The following REV3L variants were observed in gnomAD, a reference collection of about 807,000 sequenced individuals.
REV3L encodes DNA polymerase zeta catalytic subunit.
Under a neutral mutation model 299.4 loss-of-function variants are expected in REV3L, and 69 were observed. That is an observed-to-expected ratio of 0.23 (90% confidence interval 0.19 to 0.28). The LOEUF (loss-of-function observed/expected upper bound fraction) is 0.28, where lower values mean the gene tolerates loss of function less well. Ranked by LOEUF, REV3L falls within the 10% of genes least tolerant of loss-of-function variation. The pLI is 1.00. For missense variants in REV3L, 3,128 were observed against 3,693.8 expected (o/e 0.85, Z 3.97); for synonymous variants, 1,238 against 1,271.4 (o/e 0.97, Z 0.56).
chr6:111,309,811 T>C, intron 30 of REV3L, 42 bp downstream of exon 30: 1 of 1,575,498 alleles, frequency 6.3e-7, no homozygotes, highest in Non-Finnish European at 8.6e-7. Context: ...TGGAGTGAAA[T>C]CTCTCCATAG....
chr6:111,322,287 C>A (rs1400949282), intron 26 of REV3L, among the ~76,000 whole-genome samples: 4 of 152,154 alleles, frequency 2.6e-5, no homozygotes, highest in Non-Finnish European at 5.9e-5. Flanking sequence ...AAACTAGACT[C>A]CTGTGTACAC....
intron 2 of REV3L, among the ~76,000 whole-genome samples, 197 bp downstream of exon 2, chr6:111,416,086 G>A (rs1234711598): frequency 6.6e-6 from 1 of 152,060 alleles, no homozygotes; most frequent in Non-Finnish European, 1.5e-5. Context: ...AAATGGGAAA[G>A]GAAACAACAA....
intron 21 of REV3L, among the ~76,000 whole-genome samples, chr6:111,342,566 G>A (rs574261689): frequency 2.6e-4 from 40 of 152,092 alleles, no homozygotes; most frequent in Middle Eastern, 3.4e-3. Context: ...TACTCGGGAG[G>A]CTGAGGCAGG....
Position 111,422,675 on chromosome 6 carries a change from TATAC to T in REV3L, c.140-6207_140-6204del, listed in dbSNP as rs1562288103. 4.0e-3 allele frequency among the ~76,000 whole-genome samples: 152 copies of T among 37,612 alleles called. 24 individuals carry two copies. The highest frequency in any genetic ancestry group is 9.9e-3 in the Non-Finnish European group (116 of 11,728). 24.7% of individuals were successfully genotyped at this position (37,612 alleles called of 152,430 possible). ...ATATATATATATACATATATATATATATACGTATATATATATATATATATATTTC... is the reference window on the plus strand; with the variant it reads ...ATATATATATATACATATATATATATGTATATATATATATATATATATTTC... On this transcript the variant is annotated intron_variant, in intron 1 of 31. Coordinates refer to ENST00000368802, the MANE Select transcript of REV3L (RefSeq NM_001372078.1).
intron 29 of REV3L, chr6:111,310,628 G>C (rs1772870687): frequency 6.4e-6 from 1 of 156,216 alleles, no homozygotes; most frequent in African/African-American, 2.4e-5. Context: ...CTGGGCGACA[G>C]AGTGAGACCC....
intron 1 of REV3L, among the ~76,000 whole-genome samples, chr6:111,433,344 G>C (rs77793885): frequency 6.6e-6 from 1 of 151,562 alleles, no homozygotes; most frequent in South Asian, 2.1e-4. Context: ...AATAAAACCA[G>C]AAACAAAAGA....
chr6:111,317,886 TTCATCCATGGTGTCAGAA>T (rs1220942111), intron 26 of REV3L, among the ~76,000 whole-genome samples: 8 of 152,202 alleles, frequency 5.3e-5, no homozygotes, highest in Non-Finnish European at 7.3e-5. Flanking sequence ...TATTTTGAGA[TTCATCCATGGTGTCAGAA>T]TAACAGCAAC....
intron 1 of REV3L, among the ~76,000 whole-genome samples, chr6:111,441,570 T>C (rs1393091348): frequency 6.6e-6 from 1 of 152,192 alleles, no homozygotes; most frequent in African/African-American, 2.4e-5. Context: ...TTCTTGTATA[T>C]TGTCTACATT....
At chr6:111,313,999 A>G (rs1773256932) in intron 27 of REV3L, among the ~76,000 whole-genome samples, 11 of 152,216 alleles carry the variant, frequency 7.2e-5, no homozygotes. Context: ...GTGCTCTCAC[A>G]GTGTTTAAGC....
At chr6:111,435,100 G>A (rs986601131) in intron 1 of REV3L, among the ~76,000 whole-genome samples, 21 of 152,176 alleles carry the variant, frequency 1.4e-4, no homozygotes, top group African/African-American at 5.1e-4. Context: ...AGCTACTGGG[G>A]AGGCTGAAAG....
chr6:111,463,503 C>G (rs915071730), intron 1 of REV3L, among the ~76,000 whole-genome samples: 10 of 152,160 alleles, frequency 6.6e-5, no homozygotes, highest in African/African-American at 2.4e-4. Flanking sequence ...TGGTGCACTA[C>G]TGATTGTAAG....
intron 21 of REV3L, among the ~76,000 whole-genome samples, chr6:111,339,986 C>T (rs745755555): frequency 6.6e-6 from 1 of 152,092 alleles, no homozygotes; most frequent in African/African-American, 2.4e-5. Flanking sequence ...GGAAGGGAAA[C>T]ATACTTATAA....
At chr6:111,464,729 T>C (rs914317702) in intron 1 of REV3L, among the ~76,000 whole-genome samples, 3 of 152,164 alleles carry the variant, frequency 2.0e-5, no homozygotes, top group African/African-American at 4.8e-5. Flanking sequence ...GGGCCGGGCA[T>C]GGTTGCTCAC....
chr6:111,480,179 T>C (rs1173705469), intron 1 of REV3L, among the ~76,000 whole-genome samples: 2 of 152,232 alleles, frequency 1.3e-5, no homozygotes, highest in Non-Finnish European at 2.9e-5. Context: ...CCTCCCAAAG[T>C]AATTCTTATA....
chr6:111,337,755 T>C (rs1324927346), intron 21 of REV3L, among the ~76,000 whole-genome samples: 1 of 152,198 alleles, frequency 6.6e-6, no homozygotes, highest in Non-Finnish European at 1.5e-5. Flanking sequence ...ATCATTAATG[T>C]AACCCCTCAA....
chr6:111,325,368 C>T (rs1484291550), intron 25 of REV3L, among the ~76,000 whole-genome samples: 1 of 152,178 alleles, frequency 6.6e-6, no homozygotes, highest in Non-Finnish European at 1.5e-5. Context: ...GAGACATTAA[C>T]CTCCACTATT....
intron 1 of REV3L, among the ~76,000 whole-genome samples, chr6:111,461,172 A>G (rs1208052109): frequency 1.3e-5 from 2 of 152,146 alleles, no homozygotes; most frequent in East Asian, 3.8e-4. Context: ...CTGTTATCAT[A>G]GGAGATGGCA....
chr6:111,397,489 A>G (rs558386362), intron 4 of REV3L, among the ~76,000 whole-genome samples: 12 of 152,174 alleles, frequency 7.9e-5, no homozygotes, highest in East Asian at 3.9e-4. Context: ...TATGATTTCA[A>G]TTTTCTAAAA....
rs753723553 is a variant in REV3L at position 111,372,939 on chromosome 6, C to G, written c.5416G>C (p.Glu1806Gln). The G allele has an allele frequency of 2.3e-5, 37 of 1,613,944 alleles. No homozygotes were observed. The highest frequency in any genetic ancestry group is 1.7e-4 in the Admixed American group (10 of 59,996). Residue 1806 changes from glutamate to glutamine, a missense_variant, in exon 13 of 32, where the codon GAA becomes CAA. Glu to Gln is a conservative substitution (Grantham distance 29). Around this residue, in one of 9 missense-constraint regions of REV3L, gnomAD observed 2,409 missense variants for 2,611.8 expected, o/e 0.92. Transcript: ENST00000368802. ...SDWIQGHTRK[E>Q]MGQSLDSANT... is the part of the protein sequence containing the mutation. ...GCTGAGTCAAGAGACTGTCCCATTTCTTTTCTGGTGTGACCTTGAATCCAG... is the reference window on the plus strand; with the variant it reads ...GCTGAGTCAAGAGACTGTCCCATTTGTTTTCTGGTGTGACCTTGAATCCAG...
Sources: allele counts gnomAD v4.1 joint callset (sites outside exome capture counted in the v4.1 genomes callset), GRCh38; gene constraint gnomAD v4.1.1; regional missense constraint gnomAD v4.1.1; transcripts MANE v1.5; gene names NCBI Gene and HGNC (gene_info 2026-07-23, HGNC 2026-07-21).